The following THSD7B variants were observed in gnomAD, a reference collection of about 807,000 sequenced individuals.
THSD7B encodes the protein thrombospondin type 1 domain containing 7B, also known as thrombospondin type-1 domain-containing protein 7B.
A neutral mutation model predicts 213.6 loss-of-function variants in THSD7B; 138 were observed. The observed-to-expected ratio is 0.65, with a 90% CI of 0.56 to 0.74. THSD7B has a LOEUF of 0.74. THSD7B is among the 30% of genes least tolerant of loss of function. The probability of loss-of-function intolerance (pLI) is 0.00; values close to 1 mark genes in which losing one functional copy is unlikely to be tolerated. For missense variants in THSD7B, 1,931 were observed against 1,991.5 expected, an observed-to-expected ratio of 0.97 and a Z score of 0.58; for synonymous variants, 742 against 687.0, an observed-to-expected ratio of 1.08 and a Z score of -1.25.
chr2:136,941,365 A>G (rs1684824432), intron 2 of THSD7B, among the ~76,000 whole-genome samples: 2 of 152,204 alleles, frequency 1.3e-5, no homozygotes, highest in Admixed American at 1.3e-4. Context: ...CTTTGGGTAT[A>G]TATCCAGTAA....
intron 12 of THSD7B, among the ~76,000 whole-genome samples, chr2:137,367,503 T>TG (rs1378642299): frequency 1.3e-5 from 2 of 152,178 alleles, no homozygotes; most frequent in Non-Finnish European, 2.9e-5. Context: ...AAAGCAAGTC[T>TG]GCAGGCTAAT....
At chr2:136,801,313 C>G (rs72975573) in intron 1 of THSD7B, among the ~76,000 whole-genome samples, 15,461 of 152,042 alleles carry the variant, frequency 0.1, 995 homozygotes, top group East Asian at 0.24. Context: ...ATTCTGTAGA[C>G]TTTATCTAGA....
At chr2:137,354,613 G>A (rs987919105) in intron 12 of THSD7B, among the ~76,000 whole-genome samples, 1 of 152,038 alleles carries the variant, frequency 6.6e-6, no homozygotes, top group African/African-American at 2.4e-5. Flanking sequence ...ATAGCCTTAA[G>A]TTAACAGTTT....
Position 136,888,796 on chromosome 2 carries a change from A to G in THSD7B, c.139+6479A>G, listed in dbSNP as rs182940485. Reference sequence around the variant, plus strand: ...TATATTTTTTCTAAGTAGTATTAAAATATAGGCTCCCTGAGGACAGGGCAT... The same window carrying G: ...TATATTTTTTCTAAGTAGTATTAAAGTATAGGCTCCCTGAGGACAGGGCAT... On this transcript the variant is annotated intron_variant, in intron 2 of 27. Coordinates refer to ENST00000409968, the MANE Select transcript of THSD7B (RefSeq NM_001316349.2). Among the ~76,000 whole-genome samples the G allele has an allele frequency of 2.6e-3, 394 of 152,296 alleles. 3 individuals carry two copies. Among genetic ancestry groups the G allele is most frequent in the South Asian group, 7.7e-3 (37 of 4,828 alleles).
chr2:137,295,760 C>T (rs1683447736), intron 12 of THSD7B, among the ~76,000 whole-genome samples: 1 of 152,140 alleles, frequency 6.6e-6, no homozygotes, highest in African/African-American at 2.4e-5. Flanking sequence ...AGGCATGAGC[C>T]ACCACACCCG....
At chr2:137,328,484 A>G (rs1558759458) in intron 12 of THSD7B, among the ~76,000 whole-genome samples, 2 of 151,998 alleles carry the variant, frequency 1.3e-5, no homozygotes, top group African/African-American at 4.8e-5. Context: ...CTACAAAAAC[A>G]TTTTTTTTCT....
rs543892692 is a variant in THSD7B at position 137,520,314 on chromosome 2, G to A, written c.3139-42907G>A. Among the ~76,000 whole-genome samples, 7 of 152,300 alleles carry A rather than the reference G, an allele frequency of 4.6e-5. No homozygotes were observed. In the East Asian group the frequency reaches 1.3e-3, roughly 29 times the overall value. On this transcript the variant is annotated intron_variant, in intron 15 of 27. Transcript: ENST00000409968. ...AATGGATGATGATGATAATGATAAT[G>A]ATGATGACAATTTGTATAACGAATA...
At chr2:137,281,480 C>T (rs1450697461) in intron 12 of THSD7B, among the ~76,000 whole-genome samples, 2 of 151,808 alleles carry the variant, frequency 1.3e-5, no homozygotes, top group African/African-American at 4.8e-5. Flanking sequence ...CATATGTATA[C>T]ATGTGCCATG....
At chr2:136,905,841 G>C (rs1336036171) in intron 2 of THSD7B, among the ~76,000 whole-genome samples, 1 of 152,220 alleles carries the variant, frequency 6.6e-6, no homozygotes, top group Admixed American at 6.5e-5. Flanking sequence ...GATCGAAAAA[G>C]ACAGTTGGGG....
rs1411642894 is a variant in THSD7B, at chr2:137,676,978, A to G, written c.*373A>G. The G allele has an allele frequency of 5.8e-6, 1 of 173,840 alleles. No homozygotes were observed. The highest frequency in any genetic ancestry group is 1.2e-5 in the Non-Finnish European group (1 of 82,938). The allele number at this position is 173,840 out of a possible 1,614,324, so 10.8% of individuals were successfully genotyped here. ...AAAATACAGTCAAGGCATTTACTCT[A>G]AATGACGAGTCTGACACTGCATTGT... is the stretch of plus-strand genomic sequence containing the variant. On this transcript the variant is annotated 3_prime_UTR_variant, in exon 28 of 28. Transcript: ENST00000409968.
At chr2:137,662,821 G>A (rs1223337770) in intron 25 of THSD7B, among the ~76,000 whole-genome samples, 1 of 152,128 alleles carries the variant, frequency 6.6e-6, no homozygotes, top group Admixed American at 6.5e-5. Context: ...TTGGGAAGCC[G>A]AGGTGGGAAG....
intron 7 of THSD7B, among the ~76,000 whole-genome samples, chr2:137,171,334 A>G (rs919569515): frequency 1.3e-5 from 2 of 152,190 alleles, no homozygotes; most frequent in Admixed American, 1.3e-4. Flanking sequence ...CCAGGACTGA[A>G]ACATCCTGCA....
chr2:137,313,955 C>T (rs1196864910), intron 12 of THSD7B, among the ~76,000 whole-genome samples: 2 of 152,108 alleles, frequency 1.3e-5, no homozygotes, highest in Non-Finnish European at 2.9e-5. Flanking sequence ...TGCTTCATTT[C>T]AACTTTGGTG....
intron 1 of THSD7B, among the ~76,000 whole-genome samples, chr2:136,823,498 G>C (rs1282903903): frequency 2.6e-5 from 4 of 152,064 alleles, no homozygotes; most frequent in Admixed American, 2.0e-4. Flanking sequence ...TGCTTCGTCA[G>C]GTATTTCTGT....
intron 15 of THSD7B, among the ~76,000 whole-genome samples, chr2:137,487,396 A>AAAAC (rs757398774): frequency 0.047 from 5,730 of 120,882 alleles, 391 homozygotes; most frequent in Middle Eastern, 0.065. Context: ...AAAAAAAAAA[A>AAAAC]AAAGAACTAG....
At chr2:137,496,495 ACT>A (rs1304163977) in intron 15 of THSD7B, among the ~76,000 whole-genome samples, 2 of 152,016 alleles carry the variant, frequency 1.3e-5, no homozygotes, top group East Asian at 3.9e-4. Context: ...ATTTTTTTAG[ACT>A]CTCAAATGTA....
chr2:136,836,168 A>G (rs994288314), intron 1 of THSD7B, among the ~76,000 whole-genome samples: 1 of 152,202 alleles, frequency 6.6e-6, no homozygotes, highest in Non-Finnish European at 1.5e-5. Context: ...TTATTGTATT[A>G]TTTAACACAT....
chr2:137,618,474 T>G lies in THSD7B; in HGVS notation c.3648T>G (p.Asp1216Glu), dbSNP rs369093024. The G allele has an allele frequency of 3.1e-6, 5 of 1,613,748 alleles. No individual in the cohort carries two copies. The highest frequency in any genetic ancestry group is 2.2e-5 in the East Asian group (1 of 44,890). The change falls in exon 19 of 28, where the codon GAT (aspartate) becomes GAG (glutamate). Residue 1216 changes from aspartate to glutamate, a missense_variant. Asp to Glu is a conservative substitution (Grantham distance 45). Transcript: ENST00000409968. ...GCCTGCTAAGCTGTGTGTGCAGTGA[T>G]GGCAAGCCAGTCAGCATGGACCAAT... ...RTRLLSCVCS[D>E]GKPVSMDQCE... is the part of the protein sequence containing the mutation.
Position 137,572,652 on chromosome 2 carries a change from C to T in THSD7B, c.3423+96C>T, listed in dbSNP as rs1681380012. The T allele has an allele frequency of 6.1e-6, 8 of 1,301,594 alleles. No individual in the cohort carries two copies. The South Asian group carries it at 1.4e-4, about 22-fold the overall frequency. The allele number at this position is 1,301,594 out of a possible 1,614,324, so 80.6% of individuals were successfully genotyped here. A position where few individuals can be genotyped will look rare whatever the true frequency, so the allele number is the denominator to read the frequency against. Reference sequence around the variant, plus strand: ...CAGTGCTAGTCTCCAAAGCATTCTTCTAGTAACATGGGAAAATAATTTTTT... The same window carrying T: ...CAGTGCTAGTCTCCAAAGCATTCTTTTAGTAACATGGGAAAATAATTTTTT... On this transcript the variant is annotated intron_variant, in intron 17 of 27. Coordinates refer to ENST00000409968, the MANE Select transcript of THSD7B (RefSeq NM_001316349.2).
Sources: allele counts gnomAD v4.1 joint callset (sites outside exome capture counted in the v4.1 genomes callset), GRCh38; gene constraint gnomAD v4.1.1; transcripts MANE v1.5; gene names NCBI Gene and HGNC (gene_info 2026-07-23, HGNC 2026-07-21).